Variants in CCDC61 observed in about 807,000 individuals in gnomAD.
CCDC61 encodes coiled-coil domain containing 61, also known as centrosomal protein CCDC61.
A neutral mutation model predicts 63.0 loss-of-function variants in CCDC61; 55 were observed. That is an observed-to-expected ratio of 0.87 (90% CI 0.70 to 1.09). CCDC61 has a LOEUF of 1.09. CCDC61 is among the 50% of genes least tolerant of loss of function. The probability of loss-of-function intolerance (pLI) is 0.00; values close to 1 mark genes in which losing one functional copy is unlikely to be tolerated. For synonymous variants in CCDC61, 270 were observed against 317.0 expected (o/e 0.85, Z 1.58); for missense variants, 651 against 731.4 (o/e 0.89, Z 1.27).
At chr19:46,013,968 G>C (rs754732847) in intron 5 of CCDC61, among the ~76,000 whole-genome samples, 1 of 151,956 alleles carries the variant, frequency 6.6e-6, no homozygotes, top group African/African-American at 2.4e-5. Context: ...ATTCTCCAAT[G>C]TGCCACCAAC....
intron 5 of CCDC61, among the ~76,000 whole-genome samples, chr19:46,011,337 A>G (rs949070187): frequency 6.6e-6 from 1 of 152,144 alleles, no homozygotes; most frequent in African/African-American, 2.4e-5. Flanking sequence ...GGCACGAGCC[A>G]CTGAGCTTGG....
Position 46,008,295 on chromosome 19 carries a change from G to A in CCDC61, c.545G>A (p.Arg182Gln), listed in dbSNP as rs369419800. The change falls in exon 5 of 14, where the codon CGG becomes CAG. Residue 182 changes from arginine to glutamine, a missense_variant. Arg to Gln is a conservative substitution (Grantham distance 43, BLOSUM62 1). Transcript: ENST00000595358. ...CGGGAGAATGAGATCTGGCATCTGCGGGAGCAGTGAGTCTTGGAGGGGTGG... is the reference window on the plus strand; with the variant it reads ...CGGGAGAATGAGATCTGGCATCTGCAGGAGCAGTGAGTCTTGGAGGGGTGG... ...DTRENEIWHLREQVSRLASEK... is the reference protein window; with the variant it reads ...DTRENEIWHLQEQVSRLASEK... 3.7e-5 allele frequency: 59 copies of A among 1,599,962 alleles called. No homozygotes were observed. The highest frequency in any genetic ancestry group is 2.9e-4 in the East Asian group (13 of 44,310).
chr19:46,011,893 C>A (rs1968835637), intron 5 of CCDC61, among the ~76,000 whole-genome samples: 1 of 152,134 alleles, frequency 6.6e-6, no homozygotes. Flanking sequence ...ACCTCTGCCT[C>A]CTGGGTTCAA....
intron 1 of CCDC61, among the ~76,000 whole-genome samples, chr19:45,998,892 G>A (rs80276707): frequency 0.012 from 1,870 of 152,328 alleles, 23 homozygotes; most frequent in Non-Finnish European, 0.016. Context: ...GAACCCAGAA[G>A]TACCCAGCCT....
intron 4 of CCDC61, 119 bp from the exon 5 acceptor site, chr19:46,008,021 G>C (rs1968745652): frequency 9.0e-7 from 1 of 1,108,486 alleles, no homozygotes; most frequent in African/African-American, 1.6e-5. Flanking sequence ...TAAGCCTCTA[G>C]GACAGTGCAG....
chr19:46,013,934 G>A (rs1337385396), intron 5 of CCDC61, among the ~76,000 whole-genome samples: 7 of 151,856 alleles, frequency 4.6e-5, no homozygotes, highest in East Asian at 1.9e-4. Context: ...TTGCTCAAAC[G>A]ATGTGTTTTA....
In CCDC61 at chr19:46,016,400, G is replaced by A. The variant is rs1222251875; in HGVS notation, c.1091+7G>A. On this transcript the variant is annotated splice_region_variant and intron_variant, in intron 9 of 13. Coordinates refer to ENST00000595358, the MANE Select transcript of CCDC61 (RefSeq NM_001267723.2). The surrounding 1 kb of genome is among the most constrained non-coding windows in gnomAD (Gnocchi z 7.2). ...AGAGAGAGATCCAGATGAAGTCAGT[G>A]CCCCTTCCTCCCTCACCTGCCCCTG... 1 of 1,613,268 alleles carries A rather than the reference G, an allele frequency of 6.2e-7. No individual in the cohort carries two copies. The highest frequency in any genetic ancestry group is 1.3e-5 in the African/African-American group (1 of 74,936).
chr19:46,008,556 G>T (rs111890714), intron 5 of CCDC61, among the ~76,000 whole-genome samples: 1 of 152,118 alleles, frequency 6.6e-6, no homozygotes, highest in Non-Finnish European at 1.5e-5. Flanking sequence ...TTACAGGCAC[G>T]CGCCACCATG....
Position 46,006,446 on chromosome 19 carries a change from G to A in CCDC61, c.232-113G>A, listed in dbSNP as rs1437165602. 34 of 1,063,338 alleles carry A rather than the reference G, an allele frequency of 3.2e-5. No individual in the cohort carries two copies. In the South Asian group the frequency reaches 6.1e-4, roughly 19 times the overall value. 65.9% of individuals were successfully genotyped at this position (1,063,338 alleles called of 1,614,324 possible). A position where few individuals can be genotyped will look rare whatever the true frequency, so the allele number is the denominator to read the frequency against. ...ATGTTGATTGCCAGCCTTCGCGTAGGAAAGCCTAGCCCGCCTAGAGAACGG... is the reference window on the plus strand; with the variant it reads ...ATGTTGATTGCCAGCCTTCGCGTAGAAAAGCCTAGCCCGCCTAGAGAACGG... On this transcript the variant is annotated intron_variant, in intron 3 of 13. Transcript: ENST00000595358.
intron 4 of CCDC61, 84 bp downstream of exon 4, chr19:46,006,800 C>A (rs1388650146): frequency 7.9e-7 from 1 of 1,272,098 alleles, no homozygotes; most frequent in South Asian, 1.5e-5. Context: ...CCCCTGGCAC[C>A]CAGGCAAGGT....
rs151196475 is a variant in CCDC61, at chr19:46,016,963, A to T, written c.1232-28A>T. ...GCACTGGGCGGGGCCAGCGAGGGCC[A>T]GCGGTCACGCCCTCCGTCTCCCTCT... On this transcript the variant is annotated intron_variant, in intron 10 of 13. Transcript: ENST00000595358. The surrounding 1 kb of genome is among the most constrained non-coding windows in gnomAD (Gnocchi z 7.2). The T allele has an allele frequency of 7.8e-4, 1,238 of 1,596,682 alleles. 20 individuals are homozygous for T. In the East Asian group the frequency reaches 0.025, roughly 32 times the overall value.
At chr19:46,003,859 GTGTA>G in intron 3 of CCDC61, among the ~76,000 whole-genome samples, 1 of 136,356 alleles carries the variant, frequency 7.3e-6, no homozygotes, top group African/African-American at 2.8e-5. Context: ...GTGTGTGTGT[GTGTA>G]TGCATTTGCA....
chr19:46,004,675 G>A lies in CCDC61; in HGVS notation c.231+1174G>A, dbSNP rs547726777. Among the ~76,000 whole-genome samples the A allele has an allele frequency of 3.9e-5, 6 of 151,970 alleles. No individual in the cohort carries two copies. The South Asian group carries it at 8.3e-4, about 21-fold the overall frequency. ...AGATGGGGTTTCACTGTATTGGCCAGGCTGGTCTTGAATACCTGATCTCAA... is the reference window on the plus strand; with the variant it reads ...AGATGGGGTTTCACTGTATTGGCCAAGCTGGTCTTGAATACCTGATCTCAA... On this transcript the variant is annotated intron_variant, in intron 3 of 13. Coordinates refer to ENST00000595358, the MANE Select transcript of CCDC61 (RefSeq NM_001267723.2).
At chr19:45,999,396 G>A (rs545471158) in intron 1 of CCDC61, among the ~76,000 whole-genome samples, 1 of 152,084 alleles carries the variant, frequency 6.6e-6, no homozygotes, top group Admixed American at 6.5e-5. Context: ...TCGGGAAGGG[G>A]GTCATCCAGG....
intron 5 of CCDC61, among the ~76,000 whole-genome samples, chr19:46,010,120 A>G (rs993121205): frequency 2.6e-5 from 4 of 152,222 alleles, no homozygotes; most frequent in African/African-American, 7.2e-5. Flanking sequence ...AATGTTTATT[A>G]TGCTAGACAT....
rs987550292 is a variant in CCDC61, at chr19:46,018,188, G to T, written c.1441+38G>T. 3.2e-6 allele frequency: 5 copies of T among 1,575,290 alleles called. No individual in the cohort carries two copies. The highest frequency in any genetic ancestry group is 2.7e-5 in the African/African-American group (2 of 73,642). On this transcript the variant is annotated intron_variant, in intron 13 of 13. Transcript: ENST00000595358. This position sits in a 1 kb window ranked among gnomAD's most constrained non-coding sequence, Gnocchi z 4.2. Reference sequence around the variant, plus strand: ...CTCCACATCCCCTCTCCCAGCCCCAGGACCCGTTGGAATGGTAGTGCGGGC... The same window carrying T: ...CTCCACATCCCCTCTCCCAGCCCCATGACCCGTTGGAATGGTAGTGCGGGC...
rs776826413 is a variant in CCDC61 at position 46,016,671 on chromosome 19, G to C, written c.1092-23G>C. 1.2e-6 allele frequency: 2 copies of C among 1,611,226 alleles called. No homozygotes were observed. Among genetic ancestry groups the C allele is most frequent in the Non-Finnish European group, 1.7e-6 (2 of 1,179,068 alleles). ...CTGCAGGAGTTGGGCGTACAGACCG[G>C]CGTCTCCTTTCTTTTTTCCCAGGCA... On this transcript the variant is annotated intron_variant, in intron 9 of 13. Coordinates refer to ENST00000595358, the MANE Select transcript of CCDC61 (RefSeq NM_001267723.2). This position sits in a 1 kb window ranked among gnomAD's most constrained non-coding sequence, Gnocchi z 7.2.
intron 4 of CCDC61, 29 bp downstream of exon 4, chr19:46,006,745 A>C: frequency 6.4e-7 from 1 of 1,568,838 alleles, no homozygotes; most frequent in Non-Finnish European, 8.7e-7. Context: ...CTCCAGGGCC[A>C]GGCTGGTGGG....
chr19:46,017,027 C>T lies in CCDC61; in HGVS notation c.1268C>T (p.Ser423Phe), dbSNP rs756423049. The change falls in exon 11 of 14, where the codon TCC becomes TTC. Residue 423 changes from serine (S) to phenylalanine (F), a missense_variant. Coordinates refer to ENST00000595358, the MANE Select transcript of CCDC61 (RefSeq NM_001267723.2). ...CGCAGCCGCTGCTCGTCTGCCAGCT[C>T]CTGCAGCGATTTGGAGGATTTCTCT... ...SFRSRCSSAS[S>F]CSDLEDFSES... 10 of 1,612,616 alleles carry T rather than the reference C, an allele frequency of 6.2e-6. No homozygotes were observed. Among genetic ancestry groups the T allele is most frequent in the Non-Finnish European group, 7.6e-6 (9 of 1,179,458 alleles).
Sources: allele counts gnomAD v4.1 joint callset (sites outside exome capture counted in the v4.1 genomes callset), GRCh38; gene constraint gnomAD v4.1.1; non-coding constraint Gnocchi (gnomAD v3.1); transcripts MANE v1.5; gene names NCBI Gene and HGNC (gene_info 2026-07-23, HGNC 2026-07-21).